Variants in KIAA0513 observed in about 807,000 individuals in gnomAD.
The protein encoded by KIAA0513 is KIAA0513, also known as uncharacterized protein KIAA0513.
KIAA0513 carries 39 observed loss-of-function variants against 56.5 expected under a neutral mutation model. The observed-to-expected ratio is 0.69, with a 90% CI of 0.53 to 0.90. The LOEUF (loss-of-function observed/expected upper bound fraction) is 0.90, where lower values mean the gene tolerates loss of function less well. KIAA0513 is among the 40% of genes least tolerant of loss of function. The probability of loss-of-function intolerance (pLI) is 0.00; values close to 1 mark genes in which losing one functional copy is unlikely to be tolerated. For synonymous variants in KIAA0513, 268 were observed against 215.6 expected (o/e 1.24, Z -2.13); for missense variants, 591 against 535.2 (o/e 1.10, Z -1.03).
intron 4 of KIAA0513, among the ~76,000 whole-genome samples, chr16:85,074,335 T>TACAC (rs1169016390): frequency 1.8e-4 from 24 of 130,878 alleles, no homozygotes; most frequent in African/African-American, 6.8e-4. Flanking sequence ...CACGTATATA[T>TACAC]ACACACATAC....
intron 1 of KIAA0513, among the ~76,000 whole-genome samples, chr16:85,052,059 C>T (rs1254065924): frequency 2.0e-5 from 3 of 152,200 alleles, no homozygotes; most frequent in Non-Finnish European, 4.4e-5. Flanking sequence ...CAGTGGCTCA[C>T]GCCTGTAATC....
At chr16:85,068,281 C>A (rs1315327890) in intron 2 of KIAA0513, among the ~76,000 whole-genome samples, 1 of 152,106 alleles carries the variant, frequency 6.6e-6, no homozygotes, top group Non-Finnish European at 1.5e-5. Flanking sequence ...CTCAGCCTCC[C>A]AAGTAGCTGG....
At chr16:85,060,047 G>A (rs1425131110) in intron 1 of KIAA0513, among the ~76,000 whole-genome samples, 5 of 152,156 alleles carry the variant, frequency 3.3e-5, no homozygotes, top group African/African-American at 9.7e-5. Flanking sequence ...TGCAACCTCC[G>A]CTTCCCGGGC....
intron 1 of KIAA0513, among the ~76,000 whole-genome samples, chr16:85,061,724 A>C (rs2073407638): frequency 6.6e-6 from 1 of 152,338 alleles, no homozygotes; most frequent in South Asian, 2.1e-4. Context: ...GTGTGAGCAC[A>C]GCTCCATGGG....
chr16:85,048,957 C>A (rs2073209433), intron 1 of KIAA0513, among the ~76,000 whole-genome samples: 1 of 152,152 alleles, frequency 6.6e-6, no homozygotes, highest in African/African-American at 2.4e-5. Context: ...AAAGCCTCAG[C>A]AAAGGTGCAG....
At chr16:85,054,958 T>C (rs1335359628) in intron 1 of KIAA0513, among the ~76,000 whole-genome samples, 2 of 152,196 alleles carry the variant, frequency 1.3e-5, no homozygotes, top group Non-Finnish European at 2.9e-5. Context: ...GGTCTCTCTC[T>C]GTTACAAAGG....
At chr16:85,037,391 A>T (rs2073049279) in intron 1 of KIAA0513, among the ~76,000 whole-genome samples, 1 of 152,164 alleles carries the variant, frequency 6.6e-6, no homozygotes, top group Admixed American at 6.5e-5. Context: ...GGACGCTAGG[A>T]TACAAAATGG....
chr16:85,056,884 TTGTAGAGA>T (rs2073337873), intron 1 of KIAA0513, among the ~76,000 whole-genome samples: 3 of 152,126 alleles, frequency 2.0e-5, no homozygotes. Context: ...TTTAAATATT[TTGTAGAGA>T]CAAGGTCTCT....
At chr16:85,037,897 G>A (rs957084212) in intron 1 of KIAA0513, among the ~76,000 whole-genome samples, 6 of 152,194 alleles carry the variant, frequency 3.9e-5, no homozygotes, top group African/African-American at 7.2e-5. Flanking sequence ...GAGGGGCCCC[G>A]TGAGGCTGCA....
intron 1 of KIAA0513, among the ~76,000 whole-genome samples, chr16:85,035,625 G>C (rs1167065429): frequency 6.6e-6 from 1 of 152,090 alleles, no homozygotes; most frequent in African/African-American, 2.4e-5. Context: ...CAAGTAGCTG[G>C]GACTACAGGC....
intron 3 of KIAA0513, among the ~76,000 whole-genome samples, chr16:85,072,367 C>T (rs1360708090): frequency 6.6e-6 from 1 of 152,022 alleles, no homozygotes; most frequent in East Asian, 1.9e-4. Context: ...ACCCATAATA[C>T]TCAGTGTTTT....
intron 1 of KIAA0513, among the ~76,000 whole-genome samples, chr16:85,042,748 A>G (rs1158250796): frequency 1.3e-5 from 2 of 152,248 alleles, no homozygotes; most frequent in African/African-American, 4.8e-5. Flanking sequence ...CCAGACCAGC[A>G]TGGCTCCCTC....
chr16:85,064,932 G>A (rs556263269), intron 1 of KIAA0513, among the ~76,000 whole-genome samples: 2 of 151,892 alleles, frequency 1.3e-5, no homozygotes, highest in African/African-American at 2.4e-5. Flanking sequence ...TGATCCACCC[G>A]CGTCAGCCTC....
At chr16:85,048,495 C>G (rs934301529) in intron 1 of KIAA0513, among the ~76,000 whole-genome samples, 5 of 152,012 alleles carry the variant, frequency 3.3e-5, no homozygotes, top group African/African-American at 9.7e-5. Flanking sequence ...ATCTCTCTCT[C>G]TCTCTCTCTT....
intron 4 of KIAA0513, among the ~76,000 whole-genome samples, chr16:85,075,174 A>G (rs1242049917): frequency 6.6e-6 from 1 of 151,146 alleles, no homozygotes; most frequent in Non-Finnish European, 1.5e-5. Flanking sequence ...TTTTATTACT[A>G]GTTTAGTTGA....
chr16:85,069,425 C>T (rs1341092318), intron 2 of KIAA0513, among the ~76,000 whole-genome samples: 5 of 151,902 alleles, frequency 3.3e-5, no homozygotes, highest in South Asian at 2.1e-4. Flanking sequence ...CCTGGATGGC[C>T]GTTCTTTTGT....
chr16:85,053,299 A>G (rs2073280896), intron 1 of KIAA0513, among the ~76,000 whole-genome samples: 2 of 152,216 alleles, frequency 1.3e-5, no homozygotes, highest in Admixed American at 6.5e-5. Context: ...GGAAACACCC[A>G]GCGAATGAAT....
intron 10 of KIAA0513, among the ~76,000 whole-genome samples, chr16:85,084,190 T>G (rs1040412304): frequency 1.4e-4 from 21 of 150,048 alleles, no homozygotes; most frequent in African/African-American, 3.9e-4. Context: ...GCCTCCCGAG[T>G]AGTTAGGATT....
chr16:85,083,048 G>T (rs1363886361), intron 10 of KIAA0513, among the ~76,000 whole-genome samples: 2 of 152,240 alleles, frequency 1.3e-5, no homozygotes, highest in African/African-American at 2.4e-5. Flanking sequence ...GGAAGCCACG[G>T]GTGGGGTGCA....
Sources: gnomAD v4.1 joint callset for allele counts (sites outside exome capture counted in the v4.1 genomes callset) on GRCh38, gnomAD v4.1.1 for gene constraint, MANE v1.5 for transcripts, NCBI Gene and HGNC (gene_info 2026-07-23, HGNC 2026-07-21) for gene names.